SLC52A3: variants seen among roughly 807,000 people sequenced by gnomAD.
SLC52A3 encodes solute carrier family 52, riboflavin transporter, member 3.
SLC52A3 carries 20 observed loss-of-function variants against 29.5 expected under a neutral mutation model. The observed-to-expected ratio is 0.68, with a 90% CI of 0.48 to 0.99. SLC52A3 has a LOEUF of 0.99. Ranked by LOEUF, SLC52A3 falls within the 50% of genes least tolerant of loss-of-function variation. The pLI is 0.00. For synonymous variants in SLC52A3, 301 were observed against 271.0 expected, an observed-to-expected ratio of 1.11 and a Z score of -1.09; for missense variants, 548 against 612.9, an observed-to-expected ratio of 0.89 and a Z score of 1.12.
In SLC52A3 at chr20:763,823, C is replaced by T; in HGVS notation, c.748G>A (p.Ala250Thr). 1.2e-6 allele frequency: 2 copies of T among 1,614,096 alleles called. No individual in the cohort carries two copies. The highest frequency in any genetic ancestry group is 1.7e-6 in the Non-Finnish European group (2 of 1,179,990). Reference sequence around the variant, plus strand: ...TCATTGAGGAGGTCTTCCACGGAAGCCTCCCAGCACCTGGGTTGACGCTGG... The same window carrying T: ...TCATTGAGGAGGTCTTCCACGGAAGTCTCCCAGCACCTGGGTTGACGCTGG... ...VLQRQPRCWE[A>T]SVEDLLNDQV... is the part of the protein sequence containing the mutation. The change falls in exon 3 of 5, where the codon GCT becomes ACT. Residue 250 changes from alanine (A) to threonine (T), a missense_variant. Ala to Thr is a moderately conservative substitution (Grantham distance 58, BLOSUM62 0). Around this residue, in one of 2 missense-constraint regions of SLC52A3, gnomAD observed 375 missense variants for 471.1 expected, o/e 0.80. Coordinates refer to ENST00000645534, the MANE Select transcript of SLC52A3 (RefSeq NM_033409.4).
upstream of SLC52A3, among the ~76,000 whole-genome samples, chr20:770,155 G>GTTTTTTTTTTTTTTTTTTT (rs71191969): frequency 7.0e-6 from 1 of 143,162 alleles, no homozygotes; most frequent in Non-Finnish European, 1.5e-5. The surrounding 1 kb of genome is among the most constrained non-coding windows in gnomAD (Gnocchi z 4.5). Context: ...TCTGACTGCT[G>GTTTTTTTTTTTTTTTTTTT]TTTTTTTTTT....
chr20:770,042 G>A (rs1986802754), upstream of SLC52A3, among the ~76,000 whole-genome samples: 1 of 152,068 alleles, frequency 6.6e-6, no homozygotes, highest in South Asian at 2.1e-4. The surrounding 1 kb of genome is among the most constrained non-coding windows in gnomAD (Gnocchi z 4.5). Context: ...ACTTTGAGTA[G>A]TCTCCTTAGC....
At chr20:770,055 G>A (rs911310526), upstream of SLC52A3, among the ~76,000 whole-genome samples, 5 of 151,904 alleles carry the variant, frequency 3.3e-5, no homozygotes, top group Admixed American at 1.3e-4. The surrounding 1 kb of genome is among the most constrained non-coding windows in gnomAD (Gnocchi z 4.5). Flanking sequence ...TCCTTAGCCC[G>A]TTTCCTGTTT....
Position 765,625 on chromosome 20 carries a change from C to G in SLC52A3, c.150G>C (p.Leu50=). Reference sequence around the variant, plus strand: ...TGACCAGGAGGGGCCCGATGTTGGCCAGCTGGATGACCACCGTGAGGTAGG... The same window carrying G: ...TGACCAGGAGGGGCCCGATGTTGGCGAGCTGGATGACCACCGTGAGGTAGG... ...LPSYLTVVIQ[L]ANIGPLLVTL... Residue 50 remains leucine (L), a synonymous_variant, in exon 2 of 5, where the codon CTG becomes CTC. Transcript: ENST00000645534. This position sits in a 1 kb window ranked among gnomAD's most constrained non-coding sequence, Gnocchi z 6.6. 6.2e-7 allele frequency: 1 copy of G among 1,606,046 alleles called. No homozygotes were observed. Among genetic ancestry groups the G allele is most frequent in the Non-Finnish European group, 8.5e-7 (1 of 1,176,982 alleles).
At chr20:762,537 G>T (rs563933778) in intron 3 of SLC52A3, among the ~76,000 whole-genome samples, 41 of 152,182 alleles carry the variant, frequency 2.7e-4, no homozygotes, top group African/African-American at 9.9e-4. Flanking sequence ...CCACGCCCTG[G>T]GTAAGAACAG....
intron 1 of SLC52A3, among the ~76,000 whole-genome samples, chr20:773,534 T>A (rs1986912662): frequency 6.6e-6 from 1 of 151,920 alleles, no homozygotes; most frequent in Non-Finnish European, 1.5e-5. Flanking sequence ...CTGAGCAGGA[T>A]CTCTTTCTGC....
At position 761,926 on chromosome 20, in the gene SLC52A3, T is replaced by G. The variant is rs941794486; in HGVS notation, c.1074-102A>C. The G allele has an allele frequency of 5.1e-6, 8 of 1,558,138 alleles. No individual in the cohort carries two copies. The African/African-American group carries it at 9.5e-5, about 19-fold the overall frequency. On this transcript the variant is annotated intron_variant, in intron 3 of 4. Coordinates refer to ENST00000645534, the MANE Select transcript of SLC52A3 (RefSeq NM_033409.4). ...GATGGCCAGTGTCTCCATAGTTAGT[T>G]TAGACCCATGTGGAAAATTCCAGGT...
chr20:775,268 C>CAT (rs1986978153), intron 1 of SLC52A3, among the ~76,000 whole-genome samples: 1 of 133,574 alleles, frequency 7.5e-6, no homozygotes, highest in Non-Finnish European at 1.6e-5. Flanking sequence ...GGGGCCCAGT[C>CAT]TTTTTTTTTT....
chr20:779,227 G>C (rs994698108), upstream of SLC52A3, among the ~76,000 whole-genome samples: 1 of 152,170 alleles, frequency 6.6e-6, no homozygotes, highest in South Asian at 2.1e-4. Context: ...TAAAAAGAAG[G>C]ATGTTTACAA....
Position 765,360 on chromosome 20 carries a change from T to C in SLC52A3, c.415A>G (p.Thr139Ala). The change falls in exon 2 of 5, where the codon ACC becomes GCC. Residue 139 changes from threonine to alanine, a missense_variant. Coordinates refer to ENST00000645534, the MANE Select transcript of SLC52A3 (RefSeq NM_033409.4). This position sits in a 1 kb window ranked among gnomAD's most constrained non-coding sequence, Gnocchi z 6.6. ...AGTCCTTCACCCACAAAGAAGGTGG[T>C]GAGGTAGTAGGTGGGCAGCCGGCTC... is the stretch of plus-strand genomic sequence containing the variant. Reference protein sequence around the residue: ...FMSRLPTYYLTTFFVGEGLSG... With the variant: ...FMSRLPTYYLATFFVGEGLSG... The C allele has an allele frequency of 1.2e-6, 2 of 1,613,110 alleles. No individual in the cohort carries two copies. Among genetic ancestry groups the C allele is most frequent in the East Asian group, 4.5e-5 (2 of 44,822 alleles).
At chr20:761,277 C>T in intron 4 of SLC52A3, 39 bp from the exon 5 acceptor site, 2 of 1,524,446 alleles carry the variant, frequency 1.3e-6, no homozygotes, top group Non-Finnish European at 1.8e-6. Flanking sequence ...AGTCACGGGG[C>T]TTGCGGGGCG....
upstream of SLC52A3, among the ~76,000 whole-genome samples, chr20:773,384 T>C (rs1471427184): frequency 6.6e-6 from 1 of 152,118 alleles, no homozygotes. Flanking sequence ...ATGAGGAAAC[T>C]GAGGTTTAAA....
chr20:774,259 C>T (rs1986942424), intron 1 of SLC52A3, among the ~76,000 whole-genome samples: 1 of 152,186 alleles, frequency 6.6e-6, no homozygotes, highest in African/African-American at 2.4e-5. Context: ...CCAGGGTGAC[C>T]CCTGGGGCAG....
chr20:778,203 C>T (rs1343806607), upstream of SLC52A3, among the ~76,000 whole-genome samples: 1 of 152,040 alleles, frequency 6.6e-6, no homozygotes, highest in African/African-American at 2.4e-5. Context: ...GTAGTAGAGA[C>T]AAGGTTTCAC....
At position 763,597 on chromosome 20, in the gene SLC52A3, G is replaced by A. The variant is rs748083229; in HGVS notation, c.974C>T (p.Ser325Phe). Residue 325 changes from serine to phenylalanine, a missense_variant, in exon 3 of 5, where the codon TCC (serine) becomes TTC (phenylalanine). By Grantham distance (155) the Ser-to-Phe change is radical (BLOSUM62 -2). Transcript: ENST00000645534. Reference sequence around the variant, plus strand: ...GGCAACTGGCCCATAGGACAGGCAGGAGTAGGTCTGCACAGAGGGCAGCAT... The same window carrying A: ...GGCAACTGGCCCATAGGACAGGCAGAAGTAGGTCTGCACAGAGGGCAGCAT... The part of the protein sequence containing the change: ...NGMLPSVQTY[S>F]CLSYGPVAYH... 2 of 1,614,220 alleles carry A rather than the reference G, an allele frequency of 1.2e-6. No homozygotes were observed. Among genetic ancestry groups the A allele is most frequent in the Admixed American group, 3.3e-5 (2 of 60,034 alleles).
chr20:761,842 A>G lies in SLC52A3; in HGVS notation c.1074-18T>C. The G allele has an allele frequency of 6.2e-7, 1 of 1,614,002 alleles. No individual in the cohort carries two copies. Among genetic ancestry groups the G allele is most frequent in the Non-Finnish European group, 8.5e-7 (1 of 1,179,948 alleles). On this transcript the variant is annotated intron_variant, in intron 3 of 4. Coordinates refer to ENST00000645534, the MANE Select transcript of SLC52A3 (RefSeq NM_033409.4). The stretch of plus-strand genomic sequence containing the variant: ...GCAGAGACCTAGAGGAAAGTAGGGG[A>G]GGTGAGTGGAGGTGAGAAGCCTGAC...
intron 1 of SLC52A3, chr20:766,424 T>G (rs1281896408): frequency 2.6e-5 from 4 of 153,376 alleles, no homozygotes; most frequent in Admixed American, 2.6e-4. Context: ...GGGCTCATCT[T>G]CCTTGTCAGG....
chr20:764,531 C>A (rs1019817500), intron 2 of SLC52A3, among the ~76,000 whole-genome samples: 3 of 151,790 alleles, frequency 2.0e-5, no homozygotes, highest in Admixed American at 6.6e-5. Context: ...GGAGAGCCCC[C>A]ACCTAAGGAA....
intron 1 of SLC52A3, chr20:766,047 C>T (rs1986675953): frequency 2.1e-6 from 1 of 481,978 alleles, no homozygotes; most frequent in East Asian, 3.7e-5. Flanking sequence ...AGTGATTCTC[C>T]TGCCTCAGTT....
Sources: allele counts gnomAD v4.1 joint callset (sites outside exome capture counted in the v4.1 genomes callset), GRCh38; gene constraint gnomAD v4.1.1; regional missense constraint gnomAD v4.1.1; non-coding constraint Gnocchi (gnomAD v3.1); transcripts MANE v1.5; gene names NCBI Gene and HGNC (gene_info 2026-07-23, HGNC 2026-07-21).